Variants in COL6A5 observed in about 807,000 individuals in gnomAD.
The protein encoded by COL6A5 is collagen alpha-5(VI) chain.
A neutral mutation model predicts 65.6 loss-of-function variants in COL6A5; 48 were observed. The ratio of observed to expected loss-of-function variants is 0.73; its 90% CI spans 0.58 to 0.93. The LOEUF (loss-of-function observed/expected upper bound fraction) is 0.93. Ranked by LOEUF, COL6A5 falls within the 40% of genes least tolerant of loss-of-function variation. The probability of loss-of-function intolerance (pLI) is 0.00; values close to 1 mark genes in which losing one functional copy is unlikely to be tolerated. For synonymous variants in COL6A5, 291 were observed against 322.8 expected (o/e 0.90, Z 1.05); for missense variants, 914 against 928.3 (o/e 0.98, Z 0.20).
chr3:130,458,284 A>T (rs1202283420), intron 5 of COL6A5, among the ~76,000 whole-genome samples: 1 of 152,098 alleles, frequency 6.6e-6, no homozygotes, highest in Non-Finnish European at 1.5e-5. Flanking sequence ...AGCCCTCCTG[A>T]TAACTACTGT....
chr3:130,394,955 G>T, exon 8 of COL6A5: 1 of 1,551,568 alleles, frequency 6.4e-7, no homozygotes, highest in Non-Finnish European at 8.7e-7. Context: ...ATCTAATTCA[G>T]ATTTTGTAAC....
At chr3:130,448,984 TAATG>T (rs1446344585) in intron 4 of COL6A5, among the ~76,000 whole-genome samples, 1 of 152,182 alleles carries the variant, frequency 6.6e-6, no homozygotes, top group Non-Finnish European at 1.5e-5. Flanking sequence ...ATTACAGCAT[TAATG>T]GCCCTTAAAT....
chr3:130,397,344 GT>G (rs1270336249), intron 8 of COL6A5, among the ~76,000 whole-genome samples: 6 of 151,852 alleles, frequency 4.0e-5, no homozygotes, highest in Admixed American at 1.3e-4. Flanking sequence ...GAAAACCCCT[GT>G]GATATATGTT....
intron 4 of COL6A5, among the ~76,000 whole-genome samples, chr3:130,444,709 C>T (rs1709267086): frequency 6.6e-6 from 1 of 152,084 alleles, no homozygotes. Flanking sequence ...TACAGTGGAG[C>T]CCCCAATAGA....
In COL6A5 at chr3:130,384,928, C is replaced by G. The variant is rs538673596; in HGVS notation, c.1425C>G (p.Gly475=). Residue 475 remains glycine, a synonymous_variant and NMD_transcript_variant, in exon 5 of 42, where the codon GGC becomes GGG. Coordinates refer to the COL6A5 transcript ENST00000312481. Reference sequence around the variant, plus strand: ...AAGTGACAGAAATGTTTAGCATTGGCCCAGACAAAGTCCGAGTTGGAGTTG... The same window carrying G: ...AAGTGACAGAAATGTTTAGCATTGGGCCAGACAAAGTCCGAGTTGGAGTTG... 80 of 1,550,896 alleles carry G rather than the reference C, an allele frequency of 5.2e-5. No homozygotes were observed. The African/African-American group carries it at 6.3e-4, about 12-fold the overall frequency.
At position 130,455,619 on chromosome 3, in the gene COL6A5, A is replaced by G. The variant is rs1017422661; in HGVS notation, c.1499A>G (p.Asn500Ser). 18 of 1,613,098 alleles carry G rather than the reference A, an allele frequency of 1.1e-5. No homozygotes were observed. The highest frequency in any genetic ancestry group is 5.3e-5 in the African/African-American group (4 of 74,894). The change falls in exon 5 of 8, where the codon AAT (asparagine) becomes AGT (serine). Residue 500 changes from asparagine (N) to serine (S), a missense_variant. Transcript: ENST00000512836. ...TTTGAGCCACAAAAATTAATGATCA[A>G]TTATGAAAAAGATCAAAAATCTGCA... is the stretch of plus-strand genomic sequence containing the variant.
In COL6A5 at chr3:130,409,747, C is replaced by T. The variant is rs182622733; in HGVS notation, c.4543-262C>T. On this transcript the variant is annotated intron_variant and NMD_transcript_variant, in intron 18 of 41. Transcript: ENST00000312481. ...CCTAAGAATATTTGAACCAGTGCAT[C>T]AGTGAAGCTGCCATCATAGAAAAGG... Among the ~76,000 whole-genome samples, 33 of 152,262 alleles carry T rather than the reference C, an allele frequency of 2.2e-4. No homozygotes were observed. In the East Asian group the frequency reaches 6.2e-3, roughly 29 times the overall value.
Position 130,363,522 on chromosome 3 carries a change from C to T in COL6A5, c.-28-10089C>T, listed in dbSNP as rs187941849. Among the ~76,000 whole-genome samples, 53 of 152,254 alleles carry T rather than the reference C, an allele frequency of 3.5e-4. 2 individuals are homozygous for T. Among genetic ancestry groups the T allele is most frequent in the Admixed American group, 3.4e-3 (52 of 15,288 alleles). ...GGGACTAGAGTTGGGTATTTCCTTT[C>T]GTCTAGGCCAGCTAGATTCTGATAA... On this transcript the variant is annotated intron_variant and NMD_transcript_variant, in intron 1 of 41. Coordinates refer to the COL6A5 transcript ENST00000312481.
intron 1 of COL6A5, among the ~76,000 whole-genome samples, chr3:130,365,391 T>C (rs1051804670): frequency 6.6e-6 from 1 of 152,156 alleles, no homozygotes; most frequent in Admixed American, 6.5e-5. Context: ...TATTCTCCTG[T>C]CTCAGCCTCC....
At chr3:130,455,150 C>CAAA (rs62929660) in intron 4 of COL6A5, among the ~76,000 whole-genome samples, 299 of 130,204 alleles carry the variant, frequency 2.3e-3, no homozygotes, top group Middle Eastern at 7.9e-3. Flanking sequence ...GACCCTGTCT[C>CAAA]AAAAAAAAAA....
At chr3:130,369,692 T>G (rs1419791063) in intron 1 of COL6A5, among the ~76,000 whole-genome samples, 1 of 152,180 alleles carries the variant, frequency 6.6e-6, no homozygotes, top group African/African-American at 2.4e-5. Context: ...TGATTATTCA[T>G]TAGTCTATTA....
chr3:130,374,018 T>C (rs1046067365), intron 2 of COL6A5, among the ~76,000 whole-genome samples: 1 of 152,180 alleles, frequency 6.6e-6, no homozygotes, highest in African/African-American at 2.4e-5. Flanking sequence ...ATCTCATAAA[T>C]GAAAGAAAAG....
At chr3:130,403,051 T>A (rs1249891687) in intron 12 of COL6A5, among the ~76,000 whole-genome samples, 1 of 152,194 alleles carries the variant, frequency 6.6e-6, no homozygotes, top group Admixed American at 6.5e-5. Flanking sequence ...CCCCCTGGTA[T>A]ACTGATCAGC....
chr3:130,440,597 G>A lies in COL6A5; in HGVS notation c.1015G>A (p.Ala339Thr), dbSNP rs1364724193. The change falls in exon 3 of 8, where the codon GCT becomes ACT. Residue 339 changes from alanine to threonine, a missense_variant. Physicochemically the swap from Ala to Thr is moderately conservative, Grantham distance 58. Transcript: ENST00000512836. ...ACACAAGGTCATCTTTGTGGTCTCA[G>A]CTGGAGAAAATTATGAGAGAAAAGA... The A allele has an allele frequency of 1.9e-6, 3 of 1,613,450 alleles. No homozygotes were observed. In the East Asian group the frequency reaches 6.7e-5, roughly 36 times the overall value.
chr3:130,468,455 T>C (rs1271048023), intron 5 of COL6A5, among the ~76,000 whole-genome samples: 1 of 152,082 alleles, frequency 6.6e-6, no homozygotes, highest in East Asian at 1.9e-4. Context: ...TACTTCAAGT[T>C]TTTTAGCCAT....
At chr3:130,393,252 A>G (rs1936467586) in intron 7 of COL6A5, among the ~76,000 whole-genome samples, 1 of 151,818 alleles carries the variant, frequency 6.6e-6, no homozygotes, top group Non-Finnish European at 1.5e-5. Context: ...ATCTTTGTGC[A>G]CACTATCCTG....
At chr3:130,362,867 T>C (rs1935192965) in intron 1 of COL6A5, among the ~76,000 whole-genome samples, 1 of 152,210 alleles carries the variant, frequency 6.6e-6, no homozygotes, top group Admixed American at 6.5e-5. Context: ...TAATTAGCAT[T>C]AGCATGGTAT....
chr3:130,409,133 C>A (rs964241159), intron 17 of COL6A5, among the ~76,000 whole-genome samples, 193 bp from the exon 18 acceptor site: 2 of 152,088 alleles, frequency 1.3e-5, no homozygotes, highest in African/African-American at 2.4e-5. Flanking sequence ...AGTTTCTGAG[C>A]CTCGCTACAA....
intron 4 of COL6A5, among the ~76,000 whole-genome samples, chr3:130,452,122 C>T (rs369110579): frequency 3.9e-5 from 6 of 152,254 alleles, no homozygotes; most frequent in East Asian, 1.9e-4. Flanking sequence ...CAGAGATAAG[C>T]ATGATGCTTA....
Sources: allele counts gnomAD v4.1 joint callset (sites outside exome capture counted in the v4.1 genomes callset), GRCh38; gene constraint gnomAD v4.1.1; transcripts MANE v1.5; gene names NCBI Gene and HGNC (gene_info 2026-07-23, HGNC 2026-07-21).